Variants in SYNE1 observed in about 807,000 individuals in gnomAD.
The protein encoded by SYNE1 is nesprin-1.
A neutral mutation model predicts 1,111.0 loss-of-function variants in SYNE1; 616 were observed. That is an observed-to-expected ratio of 0.55 (90% CI 0.52 to 0.59). The LOEUF (loss-of-function observed/expected upper bound fraction) is 0.59. Ranked by LOEUF, SYNE1 falls within the 20% of genes least tolerant of loss-of-function variation. The pLI is 0.00. For missense variants in SYNE1, 10,006 were observed against 10,417.0 expected (o/e 0.96, Z 1.72); for synonymous variants, 3,855 against 3,825.8 (o/e 1.01, Z -0.28).
Position 152,472,407 on chromosome 6 carries a change from G to T in SYNE1, c.1357C>A (p.Leu453Ile). 6.2e-7 allele frequency: 1 copy of T among 1,613,386 alleles called. No individual in the cohort carries two copies. Among genetic ancestry groups the T allele is most frequent in the Non-Finnish European group, 8.5e-7 (1 of 1,179,632 alleles). Residue 453 changes from leucine to isoleucine, a missense_variant, in exon 15 of 146, where the codon CTT becomes ATT. This residue lies in a region of SYNE1 where 1,971 missense variants were observed against 2,084.1 expected (regional missense o/e 0.95). Coordinates refer to ENST00000367255, the MANE Select transcript of SYNE1 (RefSeq NM_182961.4). ...QRKLEQHKDLLQNTDAHKRAF... is the reference protein window; with the variant it reads ...QRKLEQHKDLIQNTDAHKRAF... ...CTTTTGTGGGCATCCGTGTTTTGAAGCAGATCCTAAGATACAGTTTAAAAA... is the reference window on the plus strand; with the variant it reads ...CTTTTGTGGGCATCCGTGTTTTGAATCAGATCCTAAGATACAGTTTAAAAA...
rs61746395 is a variant in SYNE1, at chr6:152,239,611, A to G, written c.19989T>C (p.His6663=). The G allele has an allele frequency of 3.0e-3, 4,807 of 1,614,174 alleles. 107 individuals carry two copies. The African/African-American group carries it at 0.053, about 18-fold the overall frequency. ...SFAVQKETQF[H]TELMAQASAV... ...CAGAAGCCTGAGCCATCAGCTCTGT[A>G]TGGAACTGGGTTTCCTTTTGGACTG... Residue 6663 remains histidine, a synonymous_variant, in exon 108 of 146, where the codon CAT becomes CAC. Coordinates refer to ENST00000367255, the MANE Select transcript of SYNE1 (RefSeq NM_182961.4).
intron 51 of SYNE1, among the ~76,000 whole-genome samples, chr6:152,393,644 G>A (rs564795631): frequency 1.3e-5 from 2 of 152,112 alleles, no homozygotes; most frequent in East Asian, 1.9e-4. Context: ...ATGTTCCAAT[G>A]TATTTCAGGG....
chr6:152,552,360 C>T (rs2099350155), intron 3 of SYNE1, among the ~76,000 whole-genome samples: 1 of 151,798 alleles, frequency 6.6e-6, no homozygotes, highest in African/African-American at 2.4e-5. Context: ...TTTCAAATTA[C>T]TGCTAATATT....
chr6:152,234,618 C>A, intron 111 of SYNE1, 50 bp downstream of exon 111: 1 of 1,612,570 alleles, frequency 6.2e-7, no homozygotes, highest in South Asian at 1.1e-5. Context: ...GTGTATGGGT[C>A]AGGCCTAACT....
At chr6:152,275,567 G>A (rs972452206) in intron 98 of SYNE1, among the ~76,000 whole-genome samples, 36 of 151,852 alleles carry the variant, frequency 2.4e-4, no homozygotes, top group African/African-American at 7.7e-4. Flanking sequence ...TTTAATTATT[G>A]TAATATTGTA....
At position 152,326,608 on chromosome 6, in the gene SYNE1, T is replaced by C; in HGVS notation, c.14981A>G (p.Gln4994Arg). 1.2e-6 allele frequency: 2 copies of C among 1,614,064 alleles called. No individual in the cohort carries two copies. Among genetic ancestry groups the C allele is most frequent in the South Asian group, 1.1e-5 (1 of 91,070 alleles). Residue 4994 changes from glutamine (Q) to arginine (R), a missense_variant, in exon 79 of 146, where the codon CAG becomes CGG. Transcript: ENST00000367255. ...RQATLTEIYS[Q>R]CQRYYQVFQA... is the part of the protein sequence containing the mutation. Reference sequence around the variant, plus strand: ...AAATACCTGATAATACCTTTGACACTGGCTATATATTTCAGTCAAGGTAGC... The same window carrying C: ...AAATACCTGATAATACCTTTGACACCGGCTATATATTTCAGTCAAGGTAGC...
At chr6:152,626,782 ATC>A (rs2099686696) in intron 3 of SYNE1, among the ~76,000 whole-genome samples, 1 of 152,204 alleles carries the variant, frequency 6.6e-6, no homozygotes, top group Non-Finnish European at 1.5e-5. Context: ...CAAGTTGGTG[ATC>A]TCTGGACAGA....
chr6:152,483,980 A>C (rs1593656895), intron 13 of SYNE1, among the ~76,000 whole-genome samples: 1 of 141,836 alleles, frequency 7.1e-6, no homozygotes, highest in Admixed American at 7.4e-5. Context: ...GATGGATGAG[A>C]TGCTTGAGCC....
chr6:152,283,000 T>C (rs2094122874), intron 96 of SYNE1, among the ~76,000 whole-genome samples: 1 of 152,230 alleles, frequency 6.6e-6, no homozygotes, highest in East Asian at 1.9e-4. Flanking sequence ...TGAGAACCCA[T>C]TATGTGCCAG....
chr6:152,216,612 G>A (rs2078734762), intron 121 of SYNE1, among the ~76,000 whole-genome samples: 1 of 152,160 alleles, frequency 6.6e-6, no homozygotes, highest in South Asian at 2.1e-4. Context: ...AGATCCTCAG[G>A]AAAGGTGGAA....
chr6:152,438,337 G>A (rs2098494945), intron 32 of SYNE1, among the ~76,000 whole-genome samples: 2 of 152,074 alleles, frequency 1.3e-5, no homozygotes, highest in Admixed American at 1.3e-4. Context: ...CATGGAAAAA[G>A]TAATGTTTGA....
Position 152,132,135 on chromosome 6 carries a change from TTTGGGGTGCTCCTTCCTG to T in SYNE1, c.26063_26080del (p.Ser8688_Asn8694delinsTyr). ...GTGGAAAGTTACCGTTTTCTGTCTG[TTTGGGGTGCTCCTTCCTG>T]ATGTGGGACTCACAGACCCTGAGGT... is the stretch of plus-strand genomic sequence containing the variant. On this transcript the variant is annotated inframe_deletion, in exon 144 of 146. Transcript: ENST00000367255. The T allele has an allele frequency of 6.2e-7, 1 of 1,614,084 alleles. No individual in the cohort carries two copies. Among genetic ancestry groups the T allele is most frequent in the Non-Finnish European group, 8.5e-7 (1 of 1,179,978 alleles).
chr6:152,152,392 C>A (rs2060591729), intron 133 of SYNE1, among the ~76,000 whole-genome samples: 1 of 152,078 alleles, frequency 6.6e-6, no homozygotes, highest in Non-Finnish European at 1.5e-5. Context: ...ACACACGCAT[C>A]CAACACACAT....
chr6:152,277,035 C>A (rs927304468), intron 98 of SYNE1, among the ~76,000 whole-genome samples: 1 of 151,220 alleles, frequency 6.6e-6, no homozygotes, highest in Non-Finnish European at 1.5e-5. Context: ...GGACTACAGG[C>A]GCCCACCACT....
At chr6:152,266,383 T>C (rs965910552) in intron 100 of SYNE1, among the ~76,000 whole-genome samples, 15 of 152,164 alleles carry the variant, frequency 9.9e-5, no homozygotes, top group Non-Finnish European at 2.1e-4. Context: ...GGCAAAAATA[T>C]TCAGAAAACT....
intron 55 of SYNE1, 69 bp from the exon 56 acceptor site, chr6:152,381,431 G>T (rs541810279): frequency 6.6e-7 from 1 of 1,504,782 alleles, no homozygotes; most frequent in African/African-American, 1.4e-5. Flanking sequence ...TTTCAACTGT[G>T]TACACAGGGG....
At chr6:152,372,746 A>G (rs1221566242) in intron 59 of SYNE1, among the ~76,000 whole-genome samples, 1 of 152,194 alleles carries the variant, frequency 6.6e-6, no homozygotes, top group Non-Finnish European at 1.5e-5. Flanking sequence ...TTCACATGAA[A>G]GGCTAAGTGT....
chr6:152,446,694 A>T (rs976180656), intron 29 of SYNE1, among the ~76,000 whole-genome samples: 3 of 152,202 alleles, frequency 2.0e-5, no homozygotes, highest in Non-Finnish European at 2.9e-5. Flanking sequence ...TTACGTTCTT[A>T]CATTATCTTC....
At chr6:152,586,542 A>C (rs1322515) in intron 3 of SYNE1, among the ~76,000 whole-genome samples, 1 of 145,546 alleles carries the variant, frequency 6.9e-6, no homozygotes. Context: ...ACTTCTAATT[A>C]TTTTTGTTAT....
Sources: gnomAD v4.1 joint callset for allele counts (sites outside exome capture counted in the v4.1 genomes callset) on GRCh38, gnomAD v4.1.1 for gene constraint, gnomAD v4.1.1 regional missense constraint, MANE v1.5 for transcripts, NCBI Gene and HGNC (gene_info 2026-07-23, HGNC 2026-07-21) for gene names.